Variants in CEP68 observed in about 807,000 individuals in gnomAD.
CEP68 encodes centrosomal protein 68.
In CEP68, 26 loss-of-function variants were observed where a neutral mutation model predicts 55.3. That is an observed-to-expected ratio of 0.47 (90% CI 0.34 to 0.65). CEP68 has a LOEUF of 0.65. Among genes scored for constraint, CEP68 ranks in the 30% least tolerant of loss-of-function variants. The pLI is 0.01. For missense variants in CEP68, 957 were observed against 946.7 expected (o/e 1.01, Z -0.14); for synonymous variants, 402 against 383.2 (o/e 1.05, Z -0.57).
intron 5 of CEP68, chr2:65,080,681 G>A (rs1246848004): frequency 2.9e-6 from 1 of 348,076 alleles, no homozygotes; most frequent in Admixed American, 6.5e-5. Flanking sequence ...AGCTGGGCAT[G>A]GTGGCGGGCG....
chr2:65,081,067 C>T (rs563353521), intron 5 of CEP68, among the ~76,000 whole-genome samples: 6 of 151,648 alleles, frequency 4.0e-5, no homozygotes, highest in East Asian at 1.9e-4. Context: ...AAATATTAGC[C>T]GGGCGTGGTG....
rs534489410 is a variant in CEP68, at chr2:65,069,510, G to C, written c.66G>C (p.Gly22=). ...ASEDTKAQSY[G]RGSCRERELD... is the part of the protein sequence containing the mutation. Reference sequence around the variant, plus strand: ...AAGACACAAAGGCCCAGTCCTATGGGAGAGGGAGCTGCAGGGAGCGGGAGC... The same window carrying C: ...AAGACACAAAGGCCCAGTCCTATGGCAGAGGGAGCTGCAGGGAGCGGGAGC... The change falls in exon 2 of 7, where the codon GGG becomes GGC. Residue 22 remains glycine, a synonymous_variant. Coordinates refer to ENST00000377990, the MANE Select transcript of CEP68 (RefSeq NM_015147.3). 5.7e-5 allele frequency: 90 copies of C among 1,575,656 alleles called. 1 individual carries two copies. The South Asian group carries it at 9.9e-4, about 17-fold the overall frequency.
chr2:65,083,101 C>T (rs1008525159), intron 6 of CEP68, among the ~76,000 whole-genome samples: 1 of 152,086 alleles, frequency 6.6e-6, no homozygotes, highest in African/African-American at 2.4e-5. Context: ...ATCTTCTCCC[C>T]AGCTCATTTG....
intron 4 of CEP68, 52 bp from the exon 5 acceptor site, chr2:65,077,816 C>A: frequency 7.1e-7 from 1 of 1,402,878 alleles, no homozygotes; most frequent in Non-Finnish European, 1.0e-6. Flanking sequence ...ATAACGTTTA[C>A]AAAACAATAG....
intron 1 of CEP68, among the ~76,000 whole-genome samples, chr2:65,065,955 T>C (rs1165854652): frequency 7.7e-6 from 1 of 129,410 alleles, no homozygotes; most frequent in African/African-American, 2.8e-5. Flanking sequence ...GACTTCATCT[T>C]AAAAAAAAAA....
chr2:65,071,405 T>C, intron 2 of CEP68, 49 bp from the exon 3 acceptor site: 1 of 1,492,312 alleles, frequency 6.7e-7, no homozygotes, highest in Non-Finnish European at 9.3e-7. Context: ...AAGAAAGAAA[T>C]TGGGTTTGAT....
At chr2:65,067,788 A>T (rs1281558686) in intron 1 of CEP68, among the ~76,000 whole-genome samples, 2 of 152,218 alleles carry the variant, frequency 1.3e-5, no homozygotes, top group Non-Finnish European at 2.9e-5. Context: ...TTTTCTGATT[A>T]GTTCCTGCCC....
At chr2:65,066,737 AAAAAAAAAATAT>A (rs1676193904) in intron 1 of CEP68, among the ~76,000 whole-genome samples, 1 of 97,098 alleles carries the variant, frequency 1.0e-5, no homozygotes, top group Admixed American at 1.0e-4. Flanking sequence ...AAAAAAAAAA[AAAAAAAAAATAT>A]ATATATATAT....
chr2:65,066,039 A>C (rs1169585005), intron 1 of CEP68, among the ~76,000 whole-genome samples: 2 of 151,892 alleles, frequency 1.3e-5, no homozygotes, highest in African/African-American at 4.8e-5. Context: ...AGCCTGTCCC[A>C]GCAGCTGAGG....
intron 1 of CEP68, among the ~76,000 whole-genome samples, chr2:65,062,326 G>A (rs1298618064): frequency 2.6e-5 from 4 of 152,314 alleles, no homozygotes; most frequent in African/African-American, 7.2e-5. Context: ...TTGAGGCCGG[G>A]AGTTCGAGAG....
rs1369729108 is a variant in CEP68 at position 65,072,600 on chromosome 2, A to G, written c.1504A>G (p.Ile502Val). The change falls in exon 3 of 7, where the codon ATT becomes GTT. Residue 502 changes from isoleucine to valine, a missense_variant. Coordinates refer to ENST00000377990, the MANE Select transcript of CEP68 (RefSeq NM_015147.3). Reference protein sequence around the residue: ...VSSLVSYLGSISTLVTLPTGD... With the variant: ...VSSLVSYLGSVSTLVTLPTGD... ...TAGCCTGGTTTCGTATCTAGGATCCATTTCTACCTTGGTTACCCTGCCCAC... is the reference window on the plus strand; with the variant it reads ...TAGCCTGGTTTCGTATCTAGGATCCGTTTCTACCTTGGTTACCCTGCCCAC... 8.7e-6 allele frequency: 14 copies of G among 1,613,790 alleles called. No homozygotes were observed. The South Asian group carries it at 1.5e-4, about 18-fold the overall frequency.
At chr2:65,069,979 G>T (rs1676383371) in intron 2 of CEP68, among the ~76,000 whole-genome samples, 178 bp downstream of exon 2, 1 of 152,174 alleles carries the variant, frequency 6.6e-6, no homozygotes, top group East Asian at 1.9e-4. Context: ...CTCAGGACCG[G>T]CCGGGGGGAC....
rs1297410583 is a variant in CEP68 at position 65,057,965 on chromosome 2, C to T, written c.-47+1437C>T. Among the ~76,000 whole-genome samples, 4 of 151,998 alleles carry T rather than the reference C, an allele frequency of 2.6e-5. No homozygotes were observed. The East Asian group carries it at 7.7e-4, about 29-fold the overall frequency. ...CATTAAGTTATTTAACTTCTCCGTG[C>T]CTTGGTTTCCTCATCCTTAAAAATG... is the stretch of plus-strand genomic sequence containing the variant. On this transcript the variant is annotated intron_variant, in intron 1 of 6. Transcript: ENST00000377990.
chr2:65,061,604 C>A (rs963783433), intron 1 of CEP68, among the ~76,000 whole-genome samples: 1 of 152,244 alleles, frequency 6.6e-6, no homozygotes, highest in Non-Finnish European at 1.5e-5. Flanking sequence ...TCAGAGTGAC[C>A]TATCCCACAG....
Position 65,056,496 on chromosome 2 carries a change from C to T in CEP68, c.-79C>T, listed in dbSNP as rs1394873351. 2 of 152,322 alleles carry T rather than the reference C, an allele frequency of 1.3e-5. No individual in the cohort carries two copies. The highest frequency in any genetic ancestry group is 1.9e-4 in the East Asian group (1 of 5,180). The allele number at this position is 152,322 out of a possible 1,614,324, so 9.4% of individuals were successfully genotyped here. A position where few individuals can be genotyped will look rare whatever the true frequency, so the allele number is the denominator to read the frequency against. On this transcript the variant is annotated 5_prime_UTR_variant, in exon 1 of 7. Coordinates refer to ENST00000377990, the MANE Select transcript of CEP68 (RefSeq NM_015147.3). ...CCAGCGCATGGGGCTGCTGAGACCGCTCCGGACGTGCGAAGCGTTCGCGGT... is the reference window on the plus strand; with the variant it reads ...CCAGCGCATGGGGCTGCTGAGACCGTTCCGGACGTGCGAAGCGTTCGCGGT...
chr2:65,077,971 T>C lies in CEP68; in HGVS notation c.2104+7T>C. The C allele has an allele frequency of 2.5e-6, 4 of 1,609,044 alleles. No homozygotes were observed. Among genetic ancestry groups the C allele is most frequent in the Non-Finnish European group, 3.4e-6 (4 of 1,176,046 alleles). On this transcript the variant is annotated splice_region_variant and intron_variant, in intron 5 of 6. Coordinates refer to ENST00000377990, the MANE Select transcript of CEP68 (RefSeq NM_015147.3). The stretch of plus-strand genomic sequence containing the variant: ...CTGTTGGAGAACACCCCAGGTGAGA[T>C]GCTTAAGGTTTTGGATTTAGCCAGA...
chr2:65,069,934 A>G, intron 2 of CEP68, 133 bp downstream of exon 2: 1 of 862,384 alleles, frequency 1.2e-6, no homozygotes, highest in Non-Finnish European at 1.8e-6. Context: ...GAGTATGATG[A>G]TTTCTGTTTT....
At chr2:65,068,987 C>T (rs1381842711) in intron 1 of CEP68, among the ~76,000 whole-genome samples, 1 of 152,172 alleles carries the variant, frequency 6.6e-6, no homozygotes, top group Non-Finnish European at 1.5e-5. Flanking sequence ...GCCTGAGTTG[C>T]TTGCTGAGGG....
Position 65,072,342 on chromosome 2 carries a change from C to T in CEP68, c.1246C>T (p.Pro416Ser). 1 of 1,613,904 alleles carries T rather than the reference C, an allele frequency of 6.2e-7. No homozygotes were observed. The highest frequency in any genetic ancestry group is 8.5e-7 in the Non-Finnish European group (1 of 1,180,036). The stretch of plus-strand genomic sequence containing the variant: ...GGATGCTCGTTGGGAGCGCAGAGAG[C>T]CAGCCCTGAGGGGTGCGAAGGACCG... ...SRDARWERRE[P>S]ALRGAKDRLT... The change falls in exon 3 of 7, where the codon CCA becomes TCA. Residue 416 changes from proline to serine, a missense_variant. Pro to Ser is a moderately conservative substitution (Grantham distance 74). Transcript: ENST00000377990.
Sources: allele counts gnomAD v4.1 joint callset (sites outside exome capture counted in the v4.1 genomes callset), GRCh38; gene constraint gnomAD v4.1.1; transcripts MANE v1.5; gene names NCBI Gene and HGNC (gene_info 2026-07-23, HGNC 2026-07-21).